CACNA2D3: variants seen among roughly 807,000 people sequenced by gnomAD.
CACNA2D3 encodes calcium voltage-gated channel auxiliary subunit alpha2delta 3.
In CACNA2D3, 60 loss-of-function variants were observed where a neutral mutation model predicts 160.6. The observed-to-expected ratio is 0.37, with a 90% CI of 0.30 to 0.46. The LOEUF is 0.46. Among genes scored for constraint, CACNA2D3 ranks in the 20% least tolerant of loss-of-function variants. CACNA2D3 has a pLI of 1.00. For synonymous variants in CACNA2D3, 558 were observed against 492.9 expected, an observed-to-expected ratio of 1.13 and a Z score of -1.75; for missense variants, 1,205 against 1,365.0, an observed-to-expected ratio of 0.88 and a Z score of 1.85.
At chr3:54,473,347 T>C (rs1395120330) in intron 4 of CACNA2D3, among the ~76,000 whole-genome samples, 2 of 152,160 alleles carry the variant, frequency 1.3e-5, no homozygotes, top group Non-Finnish European at 2.9e-5. Context: ...AAACTGAAAC[T>C]GGATCCCTTC....
At chr3:55,001,262 A>G (rs1040516799) in intron 31 of CACNA2D3, among the ~76,000 whole-genome samples, 4 of 152,218 alleles carry the variant, frequency 2.6e-5, no homozygotes, top group African/African-American at 9.6e-5. Context: ...TGCATTGTCT[A>G]TGCCAATGAG....
At chr3:54,494,541 A>G (rs1701173130) in intron 4 of CACNA2D3, among the ~76,000 whole-genome samples, 2 of 152,128 alleles carry the variant, frequency 1.3e-5, no homozygotes, top group Non-Finnish European at 2.9e-5. Context: ...CTGAGGCTTC[A>G]TTTTGCTATT....
chr3:54,153,859 T>C (rs777870396), intron 2 of CACNA2D3, among the ~76,000 whole-genome samples: 3 of 152,240 alleles, frequency 2.0e-5, no homozygotes, highest in Non-Finnish European at 4.4e-5. Flanking sequence ...AGAACAATTC[T>C]TAACCTTTTC....
At chr3:54,324,274 C>T (rs999889416) in intron 3 of CACNA2D3, among the ~76,000 whole-genome samples, 41 of 152,258 alleles carry the variant, frequency 2.7e-4, no homozygotes, top group Middle Eastern at 3.4e-3. Flanking sequence ...ATTTTATCAT[C>T]CTCATCTCCT....
chr3:54,378,461 C>G (rs925814854), intron 3 of CACNA2D3, among the ~76,000 whole-genome samples: 4 of 152,164 alleles, frequency 2.6e-5, no homozygotes, highest in African/African-American at 9.7e-5. Context: ...CCGACCAGTA[C>G]TGGTCCATGC....
intron 17 of CACNA2D3, among the ~76,000 whole-genome samples, chr3:54,855,604 G>A (rs921864101): frequency 2.0e-5 from 3 of 152,168 alleles, no homozygotes; most frequent in Non-Finnish European, 4.4e-5. Context: ...GTGAAGGAGG[G>A]AGAGAGGAAG....
intron 11 of CACNA2D3, among the ~76,000 whole-genome samples, chr3:54,693,839 G>A (rs760092910): frequency 4.7e-4 from 71 of 152,064 alleles, no homozygotes; most frequent in Non-Finnish European, 8.1e-4. Flanking sequence ...AGCTAATAAA[G>A]ATATAAAGAA....
chr3:54,863,467 C>G (rs149847397), intron 17 of CACNA2D3, among the ~76,000 whole-genome samples: 2 of 152,274 alleles, frequency 1.3e-5, no homozygotes, highest in African/African-American at 4.8e-5. Context: ...AAAGGTTCCT[C>G]CCAGCTCAAC....
intron 2 of CACNA2D3, among the ~76,000 whole-genome samples, chr3:54,141,153 T>C (rs1381671193): frequency 2.0e-5 from 3 of 150,832 alleles, no homozygotes; most frequent in African/African-American, 7.4e-5. Flanking sequence ...CATGGTTGTT[T>C]AGATGATCAA....
chr3:54,933,051 C>CCCTCCCTCCCTTCCTT (rs1366811478), intron 27 of CACNA2D3, among the ~76,000 whole-genome samples: 60 of 139,508 alleles, frequency 4.3e-4, no homozygotes, highest in Middle Eastern at 3.6e-3. Flanking sequence ...ATCCATCCCT[C>CCCTCCCTCCCTTCCTT]CCTTCCTTCC....
intron 9 of CACNA2D3, among the ~76,000 whole-genome samples, chr3:54,605,661 C>A (rs151017238): frequency 6.6e-6 from 1 of 152,168 alleles, no homozygotes; most frequent in Non-Finnish European, 1.5e-5. Context: ...ATTGCCCCCA[C>A]CCACTAGTAT....
At chr3:54,318,899 T>C (rs1015899251) in intron 2 of CACNA2D3, among the ~76,000 whole-genome samples, 1 of 152,058 alleles carries the variant, frequency 6.6e-6, no homozygotes, top group African/African-American at 2.4e-5. Context: ...AGACTGGGTC[T>C]CACTATGTTG....
intron 14 of CACNA2D3, among the ~76,000 whole-genome samples, chr3:54,830,238 C>A (rs1314550915): frequency 1.3e-5 from 2 of 151,640 alleles, no homozygotes; most frequent in African/African-American, 4.8e-5. Context: ...CCACCACGCC[C>A]AGCCCAGATT....
chr3:54,367,321 G>A (rs975100915), intron 3 of CACNA2D3, among the ~76,000 whole-genome samples: 5 of 152,144 alleles, frequency 3.3e-5, no homozygotes, highest in Non-Finnish European at 7.3e-5. Context: ...CCTGTGAATG[G>A]CAGTTCTGCT....
intron 11 of CACNA2D3, among the ~76,000 whole-genome samples, chr3:54,723,209 C>G (rs965461796): frequency 6.6e-5 from 10 of 152,220 alleles, no homozygotes; most frequent in African/African-American, 1.9e-4. Flanking sequence ...ACCACCTACT[C>G]AAGCCTCAGC....
At chr3:54,363,504 C>A (rs1698779710) in intron 3 of CACNA2D3, among the ~76,000 whole-genome samples, 1 of 152,162 alleles carries the variant, frequency 6.6e-6, no homozygotes. Context: ...ATAACTTCTT[C>A]TGGTCAGTTC....
intron 25 of CACNA2D3, among the ~76,000 whole-genome samples, chr3:54,895,043 T>A (rs1001768949): frequency 2.0e-5 from 3 of 152,112 alleles, no homozygotes; most frequent in Non-Finnish European, 4.4e-5. Context: ...ATTTTGTCAG[T>A]AAGAGTCAAG....
At chr3:54,746,761 G>T (rs1701760139) in intron 11 of CACNA2D3, among the ~76,000 whole-genome samples, 1 of 151,982 alleles carries the variant, frequency 6.6e-6, no homozygotes, top group Non-Finnish European at 1.5e-5. Flanking sequence ...ATAAGTGCTT[G>T]GTCTCCAAAC....
At chr3:54,871,668 A>C (rs748500372) in intron 18 of CACNA2D3, 46 bp downstream of exon 18, 1 of 1,446,216 alleles carries the variant, frequency 6.9e-7, no homozygotes, top group South Asian at 1.2e-5. Context: ...CCTGCATTGT[A>C]CCCACTTCTG....
Sources: allele counts gnomAD v4.1 joint callset (sites outside exome capture counted in the v4.1 genomes callset), GRCh38; gene constraint gnomAD v4.1.1; transcripts MANE v1.5; gene names NCBI Gene and HGNC (gene_info 2026-07-23, HGNC 2026-07-21).